TAS2R1: variants seen among roughly 807,000 people sequenced by gnomAD.
The protein encoded by TAS2R1 is taste receptor type 2 member 1.
For missense variants in TAS2R1, 370 were observed against 353.4 expected (o/e 1.05, Z -0.38); for synonymous variants, 141 against 134.2 (o/e 1.05, Z -0.35).
chr5:9,789,259 G>A, the TAS2R1 span, among the ~76,000 whole-genome samples: 2 of 152,162 alleles, frequency 1.3e-5, no homozygotes, highest in East Asian at 3.8e-4. Flanking sequence ...GTGACCAGAG[G>A]AAGCTTTAGA....
chr5:9,662,503 C>A (rs907257975), intron 1 of TAS2R1, among the ~76,000 whole-genome samples: 4 of 152,140 alleles, frequency 2.6e-5, no homozygotes, highest in African/African-American at 7.2e-5. Flanking sequence ...TCACTCCCAG[C>A]CAACTCTAAG....
At chr5:9,720,831 T>A in the TAS2R1 span, among the ~76,000 whole-genome samples, 1 of 152,142 alleles carries the variant, frequency 6.6e-6, no homozygotes, top group East Asian at 1.9e-4. Flanking sequence ...GTTTCCAGAT[T>A]TTCTTTCCAC....
the TAS2R1 span, among the ~76,000 whole-genome samples, chr5:9,763,330 C>T: frequency 2.0e-5 from 3 of 152,174 alleles, no homozygotes; most frequent in African/African-American, 7.2e-5. Context: ...TGGTAAAACT[C>T]CATCTCTCCC....
At chr5:9,840,844 T>TA in the TAS2R1 span, among the ~76,000 whole-genome samples, 1 of 12,600 alleles carries the variant, frequency 7.9e-5, no homozygotes, top group Non-Finnish European at 2.0e-4. Flanking sequence ...TTTATTTATT[T>TA]ATTTATTTAT....
the TAS2R1 span, among the ~76,000 whole-genome samples, chr5:9,840,309 G>A: frequency 2.0e-5 from 3 of 152,120 alleles, no homozygotes; most frequent in Non-Finnish European, 4.4e-5. Flanking sequence ...TCCAACCATC[G>A]AGTTTACATC....
chr5:9,756,536 C>G, the TAS2R1 span, among the ~76,000 whole-genome samples: 1 of 152,176 alleles, frequency 6.6e-6, no homozygotes, highest in Non-Finnish European at 1.5e-5. Context: ...AATTTGACAG[C>G]TTTTCCCATG....
chr5:9,804,062 T>C, the TAS2R1 span, among the ~76,000 whole-genome samples: 1 of 152,110 alleles, frequency 6.6e-6, no homozygotes, highest in African/African-American at 2.4e-5. Context: ...TCCATGCCAA[T>C]GGACACCAAA....
At chr5:9,896,660 A>G in the TAS2R1 span, among the ~76,000 whole-genome samples, 1 of 152,226 alleles carries the variant, frequency 6.6e-6, no homozygotes, top group Non-Finnish European at 1.5e-5. Flanking sequence ...AACAAGGGCT[A>G]AAGAAATCAC....
At chr5:9,717,218 GGGCCAGAAGGGGT>G (rs894448642), upstream of TAS2R1, among the ~76,000 whole-genome samples, 1 of 152,108 alleles carries the variant, frequency 6.6e-6, no homozygotes, top group African/African-American at 2.4e-5. Flanking sequence ...AGAGTGGGTG[GGGCCAGAAGGGGT>G]GGCCTCAGAA....
At chr5:9,647,570 C>T (rs1740216101) in intron 2 of TAS2R1, among the ~76,000 whole-genome samples, 1 of 152,098 alleles carries the variant, frequency 6.6e-6, no homozygotes, top group African/African-American at 2.4e-5. Context: ...TACTCAAGGT[C>T]CTCCAGCCAC....
chr5:9,652,457 C>A (rs1740326414), intron 2 of TAS2R1, among the ~76,000 whole-genome samples: 1 of 152,162 alleles, frequency 6.6e-6, no homozygotes, highest in Non-Finnish European at 1.5e-5. Flanking sequence ...CTATCGTCAT[C>A]CTCTTCCTCT....
the TAS2R1 span, among the ~76,000 whole-genome samples, chr5:9,805,351 T>C: frequency 6.6e-6 from 1 of 152,066 alleles, no homozygotes; most frequent in African/African-American, 2.4e-5. Flanking sequence ...ATTGACACTA[T>C]TCCAAACAAT....
At chr5:9,741,104 C>T in the TAS2R1 span, among the ~76,000 whole-genome samples, 427 of 152,274 alleles carry the variant, frequency 2.8e-3, 1 homozygote, top group Non-Finnish European at 4.7e-3. Context: ...GCCTCTACCA[C>T]TTGGGTAGGA....
chr5:9,792,347 T>C, the TAS2R1 span, among the ~76,000 whole-genome samples: 6 of 152,326 alleles, frequency 3.9e-5, no homozygotes, highest in South Asian at 4.1e-4. Flanking sequence ...TGGTCATAAA[T>C]ACAGAATGAA....
the TAS2R1 span, among the ~76,000 whole-genome samples, chr5:9,757,632 T>G: frequency 2.5e-3 from 375 of 152,306 alleles, no homozygotes; most frequent in Admixed American, 5.6e-3. Flanking sequence ...ATTTCAGTAT[T>G]CTGCATTACT....
the TAS2R1 span, among the ~76,000 whole-genome samples, chr5:9,864,547 C>G: frequency 6.6e-6 from 1 of 151,490 alleles, no homozygotes; most frequent in Admixed American, 6.6e-5. Context: ...GCAGGAGAAT[C>G]ACTGGAACCG....
chr5:9,882,104 A>T, the TAS2R1 span, among the ~76,000 whole-genome samples: 1 of 152,204 alleles, frequency 6.6e-6, no homozygotes. Flanking sequence ...TTTGCAATCT[A>T]TCCATCTGAT....
At chr5:9,685,631 A>G (rs1741109278) in intron 1 of TAS2R1, among the ~76,000 whole-genome samples, 1 of 152,186 alleles carries the variant, frequency 6.6e-6, no homozygotes, top group Admixed American at 6.5e-5. Flanking sequence ...TTCACAACAG[A>G]TCTCAAAACT....
the TAS2R1 span, among the ~76,000 whole-genome samples, chr5:9,848,253 G>T: frequency 6.6e-6 from 1 of 152,126 alleles, no homozygotes; most frequent in African/African-American, 2.4e-5. Flanking sequence ...TCTCAGCAAC[G>T]CTTCTTTCTT....
Sources: gnomAD v4.1 joint callset for allele counts (sites outside exome capture counted in the v4.1 genomes callset) on GRCh38, gnomAD v4.1.1 for gene constraint, MANE v1.5 for transcripts, NCBI Gene and HGNC (gene_info 2026-07-23, HGNC 2026-07-21) for gene names.